PTCHD4: variants seen among roughly 807,000 people sequenced by gnomAD.
PTCHD4 encodes patched domain containing 4.
A neutral mutation model predicts 58.1 loss-of-function variants in PTCHD4; 33 were observed. That is an observed-to-expected ratio of 0.57 (90% CI 0.43 to 0.76). The LOEUF is 0.76. PTCHD4 is among the 30% of genes least tolerant of loss of function. The pLI is 0.00. For synonymous variants in PTCHD4, 478 were observed against 409.6 expected (o/e 1.17, Z -2.02); for missense variants, 1,058 against 1,027.1 (o/e 1.03, Z -0.41).
rs1430264498 is a variant in PTCHD4, at chr6:47,874,357, A to G, written c.*3946T>C. On this transcript the variant is annotated 3_prime_UTR_variant, in exon 5 of 5. Transcript: ENST00000339488. ...AGAAATTTTAATAAAAGTTGCAATAACCCTGAAAATAGTGTCTTTAATAAC... is the reference window on the plus strand; with the variant it reads ...AGAAATTTTAATAAAAGTTGCAATAGCCCTGAAAATAGTGTCTTTAATAAC... Among the ~76,000 whole-genome samples the G allele has an allele frequency of 6.6e-6, 1 of 151,716 alleles. No homozygotes were observed. The highest frequency in any genetic ancestry group is 1.9e-4 in the East Asian group (1 of 5,140).
chr6:47,927,306 G>A (rs961637912), intron 4 of PTCHD4, among the ~76,000 whole-genome samples: 2 of 152,176 alleles, frequency 1.3e-5, no homozygotes. Context: ...AATGTGGGTG[G>A]TAGTAGGGAT....
chr6:48,080,241 T>A (rs980667720), intron 1 of PTCHD4, among the ~76,000 whole-genome samples: 10 of 152,168 alleles, frequency 6.6e-5, no homozygotes, highest in African/African-American at 2.4e-4. Context: ...TGGCAAATAT[T>A]CAGCCTTTTA....
rs146562871 is a variant in PTCHD4, at chr6:47,924,788, T to G, written c.899-44852A>C. On this transcript the variant is annotated intron_variant, in intron 4 of 4. Transcript: ENST00000339488. ...AAATATAATCCTTTGAGTCTAACTT[T>G]GTTCTCTCTTTTTACTCAACTAATT... 3.1e-3 allele frequency among the ~76,000 whole-genome samples: 470 copies of G among 152,240 alleles called. 1 individual carries two copies. Among genetic ancestry groups the G allele is most frequent in the African/African-American group, 0.011 (451 of 41,564 alleles).
Position 48,033,564 on chromosome 6 carries a change from T to C in PTCHD4, c.418-24450A>G, listed in dbSNP as rs553597873. Among the ~76,000 whole-genome samples the C allele has an allele frequency of 3.0e-3, 461 of 151,836 alleles. 4 individuals carry two copies. The highest frequency in any genetic ancestry group is 0.01 in the Middle Eastern group (3 of 294). On this transcript the variant is annotated intron_variant, in intron 3 of 4. Transcript: ENST00000339488. The stretch of plus-strand genomic sequence containing the variant: ...ATTGCAAAAAACGCCCCAGGCCATA[T>C]GTATGGCCTTTTTCACAGTGAATCT...
chr6:47,995,344 C>G (rs1561996241), intron 4 of PTCHD4, among the ~76,000 whole-genome samples: 1 of 152,286 alleles, frequency 6.6e-6, no homozygotes, highest in East Asian at 1.9e-4. Flanking sequence ...ATTGGGGCAG[C>G]ATTCTTTGAA....
rs531921019 is a variant in PTCHD4, at chr6:47,910,383, G to A, written c.899-30447C>T. Among the ~76,000 whole-genome samples the A allele has an allele frequency of 2.6e-5, 4 of 152,212 alleles. No homozygotes were observed. In the East Asian group the frequency reaches 7.7e-4, roughly 29 times the overall value. ...ATAACTTGAACAACCACAGCACAGAGGGAGGGCATATTACTTTGCATATTT... is the reference window on the plus strand; with the variant it reads ...ATAACTTGAACAACCACAGCACAGAAGGAGGGCATATTACTTTGCATATTT... On this transcript the variant is annotated intron_variant, in intron 4 of 4. Transcript: ENST00000339488.
chr6:47,960,952 C>CT (rs1296832104), intron 4 of PTCHD4, among the ~76,000 whole-genome samples: 43 of 137,982 alleles, frequency 3.1e-4, no homozygotes, highest in Middle Eastern at 3.9e-3. Context: ...ACCTAGCTGC[C>CT]TTTTTTTTTT....
At chr6:48,009,611 A>T (rs150381422) in intron 3 of PTCHD4, among the ~76,000 whole-genome samples, 1 of 152,228 alleles carries the variant, frequency 6.6e-6, no homozygotes, top group Non-Finnish European at 1.5e-5. Context: ...ACACACAAAC[A>T]TGAATATTCT....
chr6:47,917,676 C>T (rs1765303592), intron 4 of PTCHD4, among the ~76,000 whole-genome samples: 1 of 151,966 alleles, frequency 6.6e-6, no homozygotes, highest in Admixed American at 6.6e-5. Context: ...CTTACAATTG[C>T]CAAATGAATG....
intron 1 of PTCHD4, among the ~76,000 whole-genome samples, chr6:48,092,992 A>C (rs1325531133): frequency 6.6e-6 from 1 of 152,082 alleles, no homozygotes; most frequent in African/African-American, 2.4e-5. Flanking sequence ...CTCTTTTACT[A>C]TCTGGGGCTG....
intron 1 of PTCHD4, among the ~76,000 whole-genome samples, chr6:48,078,704 C>T (rs1765104604): frequency 1.3e-5 from 2 of 152,020 alleles, no homozygotes; most frequent in Admixed American, 1.3e-4. Flanking sequence ...ACCTTTCTCT[C>T]AGCAGAAACT....
At chr6:47,939,807 T>C (rs1417037025) in intron 4 of PTCHD4, among the ~76,000 whole-genome samples, 1 of 152,134 alleles carries the variant, frequency 6.6e-6, no homozygotes, top group African/African-American at 2.4e-5. Flanking sequence ...CTGTTATTTA[T>C]TAAACAAAGA....
intron 4 of PTCHD4, among the ~76,000 whole-genome samples, chr6:47,883,553 T>G (rs748545625): frequency 2.0e-5 from 3 of 152,246 alleles, no homozygotes; most frequent in Non-Finnish European, 4.4e-5. Context: ...TTTTAGACTT[T>G]AAAATAACTT....
chr6:47,968,969 C>T (rs987478781), intron 4 of PTCHD4, among the ~76,000 whole-genome samples: 2 of 152,098 alleles, frequency 1.3e-5, no homozygotes, highest in African/African-American at 4.8e-5. Context: ...TTATGATTAA[C>T]TTGCAAAGTC....
chr6:47,890,391 A>G (rs1764340372), intron 4 of PTCHD4, among the ~76,000 whole-genome samples: 1 of 152,162 alleles, frequency 6.6e-6, no homozygotes, highest in African/African-American at 2.4e-5. Context: ...CCCCCAGAAC[A>G]GACTGCTTGT....
At chr6:47,922,239 C>T (rs1226215502) in intron 4 of PTCHD4, among the ~76,000 whole-genome samples, 1 of 152,124 alleles carries the variant, frequency 6.6e-6, no homozygotes, top group African/African-American at 2.4e-5. Flanking sequence ...TTCAACTGAA[C>T]ACTAGTTTTA....
At chr6:48,052,638 C>G (rs1010079239) in intron 3 of PTCHD4, among the ~76,000 whole-genome samples, 1 of 151,922 alleles carries the variant, frequency 6.6e-6, no homozygotes, top group East Asian at 1.9e-4. Context: ...GAGTTAATTC[C>G]CTATTTTATA....
rs1426886103 is a variant in PTCHD4, at chr6:47,864,788, C to T, written c.*13515G>A. Among the ~76,000 whole-genome samples, 2 of 151,782 alleles carry T rather than the reference C, an allele frequency of 1.3e-5. No homozygotes were observed. The highest frequency in any genetic ancestry group is 2.4e-5 in the African/African-American group (1 of 41,346). ...GAAATATTTGACAGGACAATTATAC[C>T]ATAGGAAAAGTTTTGAATTAGAGAC... On this transcript the variant is annotated 3_prime_UTR_variant, in exon 5 of 5. Coordinates refer to ENST00000339488, the MANE Select transcript of PTCHD4 (RefSeq NM_001384253.1).
Position 47,859,198 on chromosome 6 carries a change from A to G in PTCHD4, c.*19105T>C, listed in dbSNP as rs954044496. Reference sequence around the variant, plus strand: ...CTTTAAGCCTGAGAAGCAGCAGGCTACCAATTGCTCCCATTTAAGGATGTG... The same window carrying G: ...CTTTAAGCCTGAGAAGCAGCAGGCTGCCAATTGCTCCCATTTAAGGATGTG... On this transcript the variant is annotated 3_prime_UTR_variant, in exon 5 of 5. Transcript: ENST00000339488. Among the ~76,000 whole-genome samples, 1 of 152,038 alleles carries G rather than the reference A, an allele frequency of 6.6e-6. No homozygotes were observed. Among genetic ancestry groups the G allele is most frequent in the Non-Finnish European group, 1.5e-5 (1 of 67,974 alleles).
Sources: allele counts gnomAD v4.1 joint callset (sites outside exome capture counted in the v4.1 genomes callset), GRCh38; gene constraint gnomAD v4.1.1; transcripts MANE v1.5; gene names NCBI Gene and HGNC (gene_info 2026-07-23, HGNC 2026-07-21).